The following NEB variants were observed in gnomAD, a reference collection of about 807,000 sequenced individuals.
The protein encoded by NEB is nemaline myopathy type 2.
A neutral mutation model predicts 952.2 loss-of-function variants in NEB; 512 were observed. The ratio of observed to expected loss-of-function variants is 0.54; its 90% CI spans 0.50 to 0.58. The LOEUF (loss-of-function observed/expected upper bound fraction) is 0.58, where lower values mean the gene tolerates loss of function less well. NEB is among the 20% of genes least tolerant of loss of function. NEB has a pLI of 0.00. For synonymous variants in NEB, 2,900 were observed against 3,149.8 expected (o/e 0.92, Z 2.66); for missense variants, 8,428 against 9,231.1 (o/e 0.91, Z 3.56).
chr2:151,724,731 TA>T, intron 7 of NEB, 125 bp downstream of exon 7: 1 of 695,490 alleles, frequency 1.4e-6, no homozygotes, highest in Non-Finnish European at 2.5e-6. Context: ...TGAATACAGG[TA>T]TTGAACTCAC....
At chr2:151,696,579 A>G in intron 17 of NEB, 58 bp downstream of exon 17, 1 of 1,289,876 alleles carries the variant, frequency 7.8e-7, no homozygotes, top group Non-Finnish European at 1.1e-6. Flanking sequence ...TTTTATGTAT[A>G]GAGTTATGAA....
intron 36 of NEB, among the ~76,000 whole-genome samples, chr2:151,672,963 G>A (rs971477713): frequency 6.6e-6 from 1 of 152,156 alleles, no homozygotes; most frequent in African/African-American, 2.4e-5. Context: ...CACTTAATAT[G>A]AACATGACAC....
At chr2:151,578,075 C>A (rs1175763055) in intron 105 of NEB, among the ~76,000 whole-genome samples, 1 of 152,136 alleles carries the variant, frequency 6.6e-6, no homozygotes, top group Admixed American at 6.5e-5. Flanking sequence ...GCATGCTTTC[C>A]TGTAATGAAC....
intron 13 of NEB, among the ~76,000 whole-genome samples, chr2:151,698,879 T>A (rs1212186514): frequency 8.6e-5 from 13 of 150,778 alleles, no homozygotes; most frequent in Non-Finnish European, 1.3e-4. Context: ...TTTTTTTTTT[T>A]TAATTATACT....
chr2:151,667,804 A>G lies in NEB; in HGVS notation c.4719T>C (p.Asp1573=). The change falls in exon 40 of 182, where the codon GAT becomes GAC. Residue 1573 remains aspartate (D), a splice_region_variant and synonymous_variant. Transcript: ENST00000397345. ...AAKSSRNIAS[D]CKYKEAYEKA... is the part of the protein sequence containing the mutation. ...TTTCCTACTTTTAAGTTAGACTTAC[A>G]TCACTAGCAATATTCCTTGAACTTT... 1.9e-6 allele frequency: 3 copies of G among 1,610,638 alleles called. No individual in the cohort carries two copies. Among genetic ancestry groups the G allele is most frequent in the Non-Finnish European group, 2.5e-6 (3 of 1,177,450 alleles).
intron 29 of NEB, 124 bp downstream of exon 29, chr2:151,682,538 G>A (rs948193906): frequency 2.6e-6 from 2 of 769,746 alleles, no homozygotes; most frequent in Admixed American, 2.8e-5. Context: ...TTGTGCACGT[G>A]GTAAGCTCTT....
At chr2:151,615,199 A>G (rs867335875) in intron 76 of NEB, among the ~76,000 whole-genome samples, 3 of 152,224 alleles carry the variant, frequency 2.0e-5, no homozygotes, top group African/African-American at 2.4e-5. Flanking sequence ...AACAGCAAGA[A>G]AAGTTTTGAT....
chr2:151,694,463 T>C (rs756817624), intron 19 of NEB, 27 bp from the exon 20 acceptor site: 2 of 1,612,946 alleles, frequency 1.2e-6, no homozygotes, highest in East Asian at 2.2e-5. Flanking sequence ...CATGCCAGAT[T>C]CCACTCAAGA....
chr2:151,711,713 G>T (rs1192746553), intron 10 of NEB, among the ~76,000 whole-genome samples: 1 of 152,172 alleles, frequency 6.6e-6, no homozygotes, highest in Non-Finnish European at 1.5e-5. Flanking sequence ...AGAGAAGGCT[G>T]CTAGGAAGTT....
At chr2:151,536,120 C>G (rs2093156934) in intron 141 of NEB, among the ~76,000 whole-genome samples, 1 of 152,150 alleles carries the variant, frequency 6.6e-6, no homozygotes, top group Non-Finnish European at 1.5e-5. Flanking sequence ...ATTGCCCAGG[C>G]TGGTCTCAAA....
At position 151,677,724 on chromosome 2, in the gene NEB, C is replaced by A; in HGVS notation, c.3615G>T (p.Trp1205Cys). The A allele has an allele frequency of 6.2e-7, 1 of 1,613,960 alleles. No individual in the cohort carries two copies. Among genetic ancestry groups the A allele is most frequent in the Non-Finnish European group, 8.5e-7 (1 of 1,179,880 alleles). The change falls in exon 34 of 182, where the codon TGG becomes TGT. Residue 1205 changes from tryptophan to cysteine, a missense_variant. Transcript: ENST00000397345. ...DYNNWMKGIGWIPIGSLDVEK... is the reference protein window; with the variant it reads ...DYNNWMKGIGCIPIGSLDVEK... ...CGACGTCGAGACTGCCAATAGGAAT[C>A]CAGCCAATGCCTTTCATCCAGTTGT...
chr2:151,570,741 A>G lies in NEB; in HGVS notation c.17014-140T>C, dbSNP rs550884017. On this transcript the variant is annotated intron_variant, in intron 107 of 181. Transcript: ENST00000397345. ...CAGTTAAAGAAGAGCATAGATGAGAATCATTCTATGCACCATTGTCCTGGA... is the reference window on the plus strand; with the variant it reads ...CAGTTAAAGAAGAGCATAGATGAGAGTCATTCTATGCACCATTGTCCTGGA... 5.1e-4 allele frequency: 363 copies of G among 716,322 alleles called. 2 individuals carry two copies. Among genetic ancestry groups the G allele is most frequent in the Non-Finnish European group, 7.7e-4 (315 of 409,476 alleles). 44.4% of individuals were successfully genotyped at this position (716,322 alleles called of 1,614,324 possible).
Position 151,664,582 on chromosome 2 carries a change from C to T in NEB, c.5370G>A (p.Glu1790=), listed in dbSNP as rs10170273. 0.2 allele frequency: 328,375 copies of T among 1,604,590 alleles called. 47,250 individuals are homozygous for T. Among genetic ancestry groups the T allele is most frequent in the East Asian group, 0.62 (27,523 of 44,598 alleles). ...TCAGGTCATATCCTTTCTTCTTTTC[C>T]TCTTCCCAGCCAGCTTTGTACAGTT... ...SDKLYKAGWE[E]EKKKGYDLRP... Residue 1790 remains glutamate, a synonymous_variant, in exon 44 of 182, where the codon GAG becomes GAA. Coordinates refer to ENST00000397345, the MANE Select transcript of NEB (RefSeq NM_001164508.2).
chr2:151,670,434 C>T (rs1278003511), intron 38 of NEB, among the ~76,000 whole-genome samples: 3 of 105,364 alleles, frequency 2.8e-5, no homozygotes, highest in African/African-American at 4.8e-5. Context: ...TCCATACAGA[C>T]GTGTCTCAGA....
chr2:151,679,660 GACCCC>G, intron 32 of NEB, 56 bp downstream of exon 32: 2 of 682,634 alleles, frequency 2.9e-6, no homozygotes, highest in Admixed American at 2.0e-5. Flanking sequence ...GTCATCGTCA[GACCCC>G]AAGCCCACCC....
chr2:151,554,928 T>A lies in NEB; in HGVS notation c.19428+3A>T. The A allele has an allele frequency of 6.2e-7, 1 of 1,602,400 alleles. No homozygotes were observed. The highest frequency in any genetic ancestry group is 2.2e-5 in the East Asian group (1 of 44,806). ...TCATTAAGGGGCGCATGACCGTACT[T>A]ACATCGATGTTAAGCTTGCCAACTC... On this transcript the variant is annotated splice_donor_region_variant and intron_variant, in intron 125 of 181. Coordinates refer to ENST00000397345, the MANE Select transcript of NEB (RefSeq NM_001164508.2).
chr2:151,555,869 G>A (rs1249909629), intron 124 of NEB, among the ~76,000 whole-genome samples: 19 of 90,676 alleles, frequency 2.1e-4, no homozygotes, highest in Admixed American at 5.6e-4. Flanking sequence ...TAAAGGCACC[G>A]TTAAAAAAAA....
intron 44 of NEB, among the ~76,000 whole-genome samples, 177 bp from the exon 45 acceptor site, chr2:151,664,036 G>A (rs5005569): frequency 4.0e-5 from 6 of 150,770 alleles, no homozygotes; most frequent in Non-Finnish European, 5.9e-5. Context: ...TTTTTTTCCC[G>A]AGACTTGAGT....
chr2:151,512,598 G>A, intron 161 of NEB, 135 bp downstream of exon 161: 1 of 722,002 alleles, frequency 1.4e-6, no homozygotes. Flanking sequence ...ACAGACGTGA[G>A]CCACTGCACC....
Sources: allele counts gnomAD v4.1 joint callset (sites outside exome capture counted in the v4.1 genomes callset), GRCh38; gene constraint gnomAD v4.1.1; transcripts MANE v1.5; gene names NCBI Gene and HGNC (gene_info 2026-07-23, HGNC 2026-07-21).